Variants in GPHN observed in about 807,000 individuals in gnomAD.
GPHN encodes the protein gephyrin.
In GPHN, 17 loss-of-function variants were observed where a neutral mutation model predicts 95.5. That is an observed-to-expected ratio of 0.18 (90% CI 0.12 to 0.27). GPHN has a LOEUF of 0.27. GPHN is among the 10% of genes least tolerant of loss of function. The pLI is 1.00. For synonymous variants in GPHN, 320 were observed against 322.5 expected (o/e 0.99, Z 0.08); for missense variants, 660 against 978.1 (o/e 0.67, Z 4.34).
intron 8 of GPHN, among the ~76,000 whole-genome samples, chr14:66,964,640 T>G (rs890622525): frequency 3.3e-5 from 5 of 152,100 alleles, no homozygotes; most frequent in Admixed American, 2.6e-4. Flanking sequence ...TGATCTTGAG[T>G]TGAGTGACAC....
chr14:67,409,557 A>G, the GPHN span, among the ~76,000 whole-genome samples: 115 of 152,250 alleles, frequency 7.6e-4, no homozygotes, highest in Non-Finnish European at 3.2e-4. Context: ...TTCTCCCAGG[A>G]AAAGCACTCC....
the GPHN span, among the ~76,000 whole-genome samples, chr14:67,192,822 G>A: frequency 7.0e-6 from 1 of 143,302 alleles, no homozygotes; most frequent in African/African-American, 2.5e-5. Flanking sequence ...ATATCTATAT[G>A]TACAGATCTA....
the GPHN span, among the ~76,000 whole-genome samples, chr14:67,705,060 A>G: frequency 6.6e-6 from 1 of 152,236 alleles, no homozygotes; most frequent in Non-Finnish European, 1.5e-5. Flanking sequence ...GTTGAGGCAG[A>G]AATAAATTGA....
At chr14:67,218,748 G>A in the GPHN span, among the ~76,000 whole-genome samples, 3 of 152,052 alleles carry the variant, frequency 2.0e-5, no homozygotes, top group Admixed American at 2.0e-4. Flanking sequence ...GCTTGCCCAA[G>A]GGTATATCAA....
chr14:67,607,965 G>C, the GPHN span, among the ~76,000 whole-genome samples: 1 of 152,146 alleles, frequency 6.6e-6, no homozygotes, highest in African/African-American at 2.4e-5. Context: ...GAGCTGGTTT[G>C]GTGGCTCACG....
chr14:67,697,081 T>C, the GPHN span, among the ~76,000 whole-genome samples: 551 of 152,352 alleles, frequency 3.6e-3, 2 homozygotes, highest in African/African-American at 0.013. Flanking sequence ...TTCACGCATT[T>C]GACAAACATT....
intron 5 of GPHN, among the ~76,000 whole-genome samples, chr14:66,904,853 T>G (rs1567083694): frequency 6.6e-6 from 1 of 152,176 alleles, no homozygotes; most frequent in African/African-American, 2.4e-5. Context: ...TTTAGGATTC[T>G]GTCTTCATTC....
intron 22 of GPHN, 28 bp from the exon 23 acceptor site, chr14:67,180,776 C>T: frequency 6.2e-7 from 1 of 1,609,804 alleles, no homozygotes; most frequent in Non-Finnish European, 8.5e-7. Context: ...GATGCTTATG[C>T]TGCTGTAATA....
At chr14:67,465,352 C>T in the GPHN span, among the ~76,000 whole-genome samples, 2 of 139,612 alleles carry the variant, frequency 1.4e-5, no homozygotes, top group African/African-American at 2.5e-5. Flanking sequence ...GGGAGAACTA[C>T]AAGTCAGTCT....
chr14:67,165,173 C>T lies in GPHN; in HGVS notation c.1922C>T (p.Thr641Ile). 6.2e-7 allele frequency: 1 copy of T among 1,609,022 alleles called. No individual in the cohort carries two copies. The highest frequency in any genetic ancestry group is 1.3e-5 in the African/African-American group (1 of 74,942). The change falls in exon 20 of 23, where the codon ACA (threonine) becomes ATA (isoleucine). Residue 641 changes from threonine to isoleucine, a missense_variant. By Grantham distance (89) the Thr-to-Ile change is moderately conservative (BLOSUM62 -1). Transcript: ENST00000478722. ...RVFMKPGLPT[T>I]FATLDIDGVR... The stretch of plus-strand genomic sequence containing the variant: ...TTTTTTTCTTCTAGCTTGCCAACAA[C>T]ATTTGCAACTTTGGATATTGATGGT...
intron 1 of GPHN, among the ~76,000 whole-genome samples, chr14:66,603,988 T>C (rs2062388587): frequency 6.6e-6 from 1 of 152,152 alleles, no homozygotes; most frequent in Non-Finnish European, 1.5e-5. Context: ...AATATGTCTC[T>C]TAATTTAGGT....
At chr14:66,737,564 A>G (rs553701453) in intron 2 of GPHN, among the ~76,000 whole-genome samples, 1 of 152,082 alleles carries the variant, frequency 6.6e-6, no homozygotes, top group South Asian at 2.1e-4. Flanking sequence ...ACTGCATCTG[A>G]ATTTTATGTG....
chr14:66,531,844 A>G (rs1444122648), intron 1 of GPHN, among the ~76,000 whole-genome samples: 1 of 152,208 alleles, frequency 6.6e-6, no homozygotes, highest in Non-Finnish European at 1.5e-5. Context: ...ACTGTATGAC[A>G]GGGTTTTCAA....
At chr14:67,524,438 A>G in the GPHN span, among the ~76,000 whole-genome samples, 1 of 152,260 alleles carries the variant, frequency 6.6e-6, no homozygotes, top group South Asian at 2.1e-4. Context: ...GTGGACAAAC[A>G]TGGGTGGCTG....
the GPHN span, among the ~76,000 whole-genome samples, chr14:67,409,582 C>CCCCCACTTCCCTCT: frequency 6.6e-6 from 1 of 152,108 alleles, no homozygotes; most frequent in African/African-American, 2.4e-5. Flanking sequence ...CACGGCTCAT[C>CCCCCACTTCCCTCT]CCCCACTTCC....
At chr14:66,995,987 T>C (rs2071761736) in intron 9 of GPHN, among the ~76,000 whole-genome samples, 2 of 152,160 alleles carry the variant, frequency 1.3e-5, no homozygotes, top group African/African-American at 4.8e-5. Context: ...AGCAAGGTAT[T>C]TTTTGTCACA....
intron 4 of GPHN, among the ~76,000 whole-genome samples, chr14:66,838,040 C>G (rs2061926141): frequency 6.6e-6 from 1 of 152,032 alleles, no homozygotes; most frequent in Non-Finnish European, 1.5e-5. Context: ...TAATTCTGCT[C>G]TGTAATGGGG....
chr14:66,667,944 A>G (rs2066065567), intron 1 of GPHN, among the ~76,000 whole-genome samples: 1 of 152,238 alleles, frequency 6.6e-6, no homozygotes. Context: ...TACATTTAGA[A>G]GAAAAACCAC....
chr14:67,320,647 G>C, the GPHN span, among the ~76,000 whole-genome samples: 1 of 152,074 alleles, frequency 6.6e-6, no homozygotes, highest in Non-Finnish European at 1.5e-5. Flanking sequence ...ATAATTTCCT[G>C]TTCCATAGAG....
Sources: allele counts gnomAD v4.1 joint callset (sites outside exome capture counted in the v4.1 genomes callset), GRCh38; gene constraint gnomAD v4.1.1; transcripts MANE v1.5; gene names NCBI Gene and HGNC (gene_info 2026-07-23, HGNC 2026-07-21).